The following IGFL3 variants were observed in gnomAD, a reference collection of about 807,000 sequenced individuals.
IGFL3 encodes insulin growth factor-like family member 3.
A neutral mutation model predicts 17.0 loss-of-function variants in IGFL3; 12 were observed. The observed-to-expected ratio is 0.71, with a 90% CI of 0.45 to 1.14. The LOEUF is 1.14. Ranked by LOEUF, IGFL3 falls within the 50% of genes most tolerant of loss-of-function variation. IGFL3 has a pLI of 0.00. For synonymous variants in IGFL3, 52 were observed against 57.4 expected, an observed-to-expected ratio of 0.91 and a Z score of 0.42; for missense variants, 153 against 151.6, an observed-to-expected ratio of 1.01 and a Z score of -0.05.
At chr19:46,123,234 A>G (rs759966929) in intron 3 of IGFL3, among the ~76,000 whole-genome samples, 1 of 150,904 alleles carries the variant, frequency 6.6e-6, no homozygotes, top group Non-Finnish European at 1.5e-5. Context: ...CTCCTGAAAA[A>G]GGATACTGAC....
chr19:46,121,054 A>G (rs1971735123), intron 3 of IGFL3, among the ~76,000 whole-genome samples: 1 of 150,606 alleles, frequency 6.6e-6, no homozygotes, highest in South Asian at 2.1e-4. Flanking sequence ...TACATATTTG[A>G]TGGAACATGT....
Position 46,120,106 on chromosome 19 carries a change from A to G in IGFL3, c.*224T>C. The G allele has an allele frequency of 1.7e-6, 1 of 575,032 alleles. No individual in the cohort carries two copies. Among genetic ancestry groups the G allele is most frequent in the South Asian group, 2.2e-5 (1 of 45,134 alleles). 35.6% of individuals were successfully genotyped at this position (575,032 alleles called of 1,614,324 possible). A position where few individuals can be genotyped will look rare whatever the true frequency, so the allele number is the denominator to read the frequency against. On this transcript the variant is annotated 3_prime_UTR_variant, in exon 4 of 4. Transcript: ENST00000341415. ...TGTGGGGGATTTTATTGCCGATGAAAGTGGCTCTCAGCGGGAAGGGGAGCT... is the reference window on the plus strand; with the variant it reads ...TGTGGGGGATTTTATTGCCGATGAAGGTGGCTCTCAGCGGGAAGGGGAGCT...
In IGFL3 at chr19:46,124,619, A is replaced by C; in HGVS notation, c.25+6T>G. ...AGATGATGTTTGGATTTGGGGTCCT[A>C]CTTGCCCAAGATGCAGCATCGTGGC... On this transcript the variant is annotated splice_donor_region_variant and intron_variant, in intron 1 of 3. Transcript: ENST00000341415. The C allele has an allele frequency of 6.2e-7, 1 of 1,607,616 alleles. No homozygotes were observed. The highest frequency in any genetic ancestry group is 8.5e-7 in the Non-Finnish European group (1 of 1,176,526).
In IGFL3 at chr19:46,123,995, G is replaced by A. The variant is rs1342830716; in HGVS notation, c.241C>T (p.Leu81Phe). 4.3e-6 allele frequency: 7 copies of A among 1,611,410 alleles called. No individual in the cohort carries two copies. The Admixed American group carries it at 8.4e-5, about 19-fold the overall frequency. The change falls in exon 3 of 4, where the codon CTC (leucine) becomes TTC (phenylalanine). Residue 81 changes from leucine to phenylalanine, a missense_variant. Transcript: ENST00000341415. ...STCTFWPCFE[L>F]CCPESFGPQQ... ...GGGCCAAAAGACTCGGGACAGCAGA[G>A]CTCAAAGCAGGGCCAGAAGGTGCAG...
In IGFL3 at chr19:46,120,196, C is replaced by T. The variant is rs1971676283; in HGVS notation, c.*134G>A. ...TCTGGCCATCCCCAGCTGGGCTCCT[C>T]TCCAAAGCTATGTCATTGAGCCATC... On this transcript the variant is annotated 3_prime_UTR_variant, in exon 4 of 4. Transcript: ENST00000341415. 1 of 1,358,258 alleles carries T rather than the reference C, an allele frequency of 7.4e-7. No homozygotes were observed. Among genetic ancestry groups the T allele is most frequent in the East Asian group, 2.7e-5 (1 of 37,264 alleles). The allele number at this position is 1,358,258 out of a possible 1,614,324, so 84.1% of individuals were successfully genotyped here.
At chr19:46,120,447 C>G (rs1971696892) in intron 3 of IGFL3, 90 bp from the exon 4 acceptor site, 1 of 1,559,602 alleles carries the variant, frequency 6.4e-7, no homozygotes, top group Admixed American at 1.8e-5. Flanking sequence ...ACAAACTTGA[C>G]TTTAACAGAC....
intron 3 of IGFL3, 91 bp downstream of exon 3, chr19:46,123,795 G>T: frequency 7.1e-7 from 1 of 1,401,436 alleles, no homozygotes; most frequent in Non-Finnish European, 9.7e-7. Flanking sequence ...TTTGCCGTTA[G>T]AACTCCACAA....
chr19:46,124,415 T>A, intron 1 of IGFL3, 94 bp from the exon 2 acceptor site: 1 of 1,389,298 alleles, frequency 7.2e-7, no homozygotes, highest in Non-Finnish European at 1.0e-6. Context: ...TAGGGTGGTT[T>A]AAAGGTGGAG....
At chr19:46,121,477 ATCT>A (rs954961708) in intron 3 of IGFL3, among the ~76,000 whole-genome samples, 5 of 150,300 alleles carry the variant, frequency 3.3e-5, no homozygotes, top group African/African-American at 1.2e-4. Context: ...TAGCCTGAGC[ATCT>A]TCCCAAGATG....
rs1395587662 is a variant in IGFL3, at chr19:46,124,319, G to A, written c.28C>T (p.Leu10Phe). 6.2e-7 allele frequency: 1 copy of A among 1,609,606 alleles called. No homozygotes were observed. The highest frequency in any genetic ancestry group is 8.5e-7 in the Non-Finnish European group (1 of 1,178,202). Residue 10 changes from leucine to phenylalanine, a missense_variant and splice_region_variant, in exon 2 of 4, where the codon CTT (leucine) becomes TTT (phenylalanine). Transcript: ENST00000341415. MRPRCCILA[L>F]VCWITVFLLQ... ...AGGAAGACTGTTATCCAGCAGACAA[G>A]AGCTAAGGGAGAAAGGAAAAAGGTT...
rs901660636 is a variant in IGFL3 at position 46,124,309 on chromosome 19, C to G, written c.38G>C (p.Trp13Ser). 1.9e-6 allele frequency: 3 copies of G among 1,610,246 alleles called. No homozygotes were observed. Among genetic ancestry groups the G allele is most frequent in the African/African-American group, 1.4e-5 (1 of 73,678 alleles). ...ACACTGGAGGAGGAAGACTGTTATC[C>G]AGCAGACAAGAGCTAAGGGAGAAAG... ...PRCCILALVC[W>S]ITVFLLQCSK... Residue 13 changes from tryptophan (W) to serine (S), a missense_variant, in exon 2 of 4, where the codon TGG becomes TCG. Coordinates refer to ENST00000341415, the MANE Select transcript of IGFL3 (RefSeq NM_207393.2).
At chr19:46,120,592 A>G (rs1404793529) in intron 3 of IGFL3, among the ~76,000 whole-genome samples, 2 of 150,856 alleles carry the variant, frequency 1.3e-5, no homozygotes, top group Non-Finnish European at 2.9e-5. Context: ...ATTCCTCAAA[A>G]TGCCAGATAA....
chr19:46,121,298 C>T (rs950646736), intron 3 of IGFL3, among the ~76,000 whole-genome samples: 5 of 147,954 alleles, frequency 3.4e-5, no homozygotes, highest in African/African-American at 1.0e-4. Context: ...CGAGGTAGGA[C>T]GATCACTTGA....
rs368987539 is a variant in IGFL3, at chr19:46,124,290, G to C, written c.57C>G (p.Leu19=). The stretch of plus-strand genomic sequence containing the variant: ...TACCTGTAGTTCCTTTTGAACACTG[G>C]AGGAGGAAGACTGTTATCCAGCAGA... ...ALVCWITVFL[L]QCSKGTTDAP... is the part of the protein sequence containing the mutation. Residue 19 remains leucine (L), a synonymous_variant, in exon 2 of 4, where the codon CTC becomes CTG. Transcript: ENST00000341415. 30 of 1,610,570 alleles carry C rather than the reference G, an allele frequency of 1.9e-5. No individual in the cohort carries two copies. Among genetic ancestry groups the C allele is most frequent in the Non-Finnish European group, 2.4e-5 (28 of 1,179,146 alleles).
intron 3 of IGFL3, among the ~76,000 whole-genome samples, chr19:46,121,806 G>C (rs1461851596): frequency 2.0e-5 from 3 of 151,070 alleles, no homozygotes; most frequent in Non-Finnish European, 4.4e-5. Flanking sequence ...ACTGCAAAGA[G>C]ACAAAGGCTT....
At position 46,123,975 on chromosome 19, in the gene IGFL3, A is replaced by T; in HGVS notation, c.261T>A (p.Phe87Leu). 1 of 1,611,552 alleles carries T rather than the reference A, an allele frequency of 6.2e-7. No homozygotes were observed. Among genetic ancestry groups the T allele is most frequent in the Non-Finnish European group, 8.5e-7 (1 of 1,179,648 alleles). ...TCACAAGAAACTTCTGCTGGGGGCCAAAAGACTCGGGACAGCAGAGCTCAA... is the reference window on the plus strand; with the variant it reads ...TCACAAGAAACTTCTGCTGGGGGCCTAAAGACTCGGGACAGCAGAGCTCAA... Reference protein sequence around the residue: ...PCFELCCPESFGPQQKFLVKL... With the variant: ...PCFELCCPESLGPQQKFLVKL... The change falls in exon 3 of 4, where the codon TTT (phenylalanine) becomes TTA (leucine). Residue 87 changes from phenylalanine to leucine, a missense_variant. By Grantham distance (22) the Phe-to-Leu change is conservative. Coordinates refer to ENST00000341415, the MANE Select transcript of IGFL3 (RefSeq NM_207393.2).
At chr19:46,122,009 T>C (rs1217981421) in intron 3 of IGFL3, among the ~76,000 whole-genome samples, 1 of 151,224 alleles carries the variant, frequency 6.6e-6, no homozygotes, top group Non-Finnish European at 1.5e-5. Flanking sequence ...TTTATGCAAA[T>C]GACTTCATCT....
At position 46,124,292 on chromosome 19, in the gene IGFL3, G is replaced by A; in HGVS notation, c.55C>T (p.Leu19Phe). The A allele has an allele frequency of 6.2e-7, 1 of 1,610,826 alleles. No individual in the cohort carries two copies. Among genetic ancestry groups the A allele is most frequent in the Non-Finnish European group, 8.5e-7 (1 of 1,179,122 alleles). The stretch of plus-strand genomic sequence containing the variant: ...CCTGTAGTTCCTTTTGAACACTGGA[G>A]GAGGAAGACTGTTATCCAGCAGACA... ...ALVCWITVFL[L>F]QCSKGTTDAP... The change falls in exon 2 of 4, where the codon CTC (leucine) becomes TTC (phenylalanine). Residue 19 changes from leucine to phenylalanine, a missense_variant. Transcript: ENST00000341415.
At chr19:46,124,584 G>T (rs1267635028) in intron 1 of IGFL3, 41 bp downstream of exon 1, 3 of 1,572,960 alleles carry the variant, frequency 1.9e-6, no homozygotes, top group South Asian at 1.1e-5. Context: ...GCTGCACTGG[G>T]AATGAGATGA....
Sources: allele counts gnomAD v4.1 joint callset (sites outside exome capture counted in the v4.1 genomes callset), GRCh38; gene constraint gnomAD v4.1.1; transcripts MANE v1.5; gene names NCBI Gene and HGNC (gene_info 2026-07-23, HGNC 2026-07-21).